The following KIAA1549L variants were observed in gnomAD, a reference collection of about 807,000 sequenced individuals.
KIAA1549L encodes the protein KIAA1549 like.
A neutral mutation model predicts 160.7 loss-of-function variants in KIAA1549L; 88 were observed. The ratio of observed to expected loss-of-function variants is 0.55; its 90% CI spans 0.46 to 0.65. KIAA1549L has a LOEUF of 0.65. Ranked by LOEUF, KIAA1549L falls within the 30% of genes least tolerant of loss-of-function variation. The probability of loss-of-function intolerance (pLI) is 0.00; values close to 1 mark genes in which losing one functional copy is unlikely to be tolerated. For missense variants in KIAA1549L, 2,258 were observed against 2,437.5 expected (o/e 0.93, Z 1.55); for synonymous variants, 950 against 976.7 (o/e 0.97, Z 0.51).
At chr11:33,475,341 C>T (rs987888168) in intron 1 of KIAA1549L, among the ~76,000 whole-genome samples, 3 of 152,096 alleles carry the variant, frequency 2.0e-5, no homozygotes, top group South Asian at 2.1e-4. Flanking sequence ...GTTTCTTCTC[C>T]GTTTAATGGC....
intron 1 of KIAA1549L, among the ~76,000 whole-genome samples, chr11:33,468,434 G>A (rs140516376): frequency 1.3e-5 from 2 of 152,348 alleles, no homozygotes; most frequent in Admixed American, 6.5e-5. Flanking sequence ...AGCAAGGAGT[G>A]TTACAGAGTC....
intron 17 of KIAA1549L, among the ~76,000 whole-genome samples, chr11:33,647,979 A>G (rs1851772398): frequency 6.6e-6 from 1 of 150,644 alleles, no homozygotes; most frequent in Non-Finnish European, 1.5e-5. Flanking sequence ...TCAAACCAGA[A>G]CTAACCTTTT....
chr11:33,495,501 C>T, intron 1 of KIAA1549L, among the ~76,000 whole-genome samples: 1 of 151,998 alleles, frequency 6.6e-6, no homozygotes, highest in Non-Finnish European at 1.5e-5. Context: ...GTATATGTGC[C>T]ACATTTTCTT....
intron 19 of KIAA1549L, among the ~76,000 whole-genome samples, chr11:33,660,034 G>C (rs1254890959): frequency 6.6e-6 from 1 of 152,230 alleles, no homozygotes; most frequent in Non-Finnish European, 1.5e-5. Context: ...AGTGGGCGGG[G>C]TGCTGGCTGG....
In KIAA1549L at chr11:33,559,795, T is replaced by C. The variant is rs1854779332; in HGVS notation, c.3902T>C (p.Val1301Ala). The C allele has an allele frequency of 1.2e-6, 2 of 1,613,894 alleles. No homozygotes were observed. Among genetic ancestry groups the C allele is most frequent in the Admixed American group, 3.3e-5 (2 of 60,004 alleles). Residue 1301 changes from valine (V) to alanine (A), a missense_variant, in exon 7 of 21, where the codon GTC (valine) becomes GCC (alanine). By Grantham distance (64) the Val-to-Ala change is moderately conservative (BLOSUM62 0). Coordinates refer to ENST00000658780, the MANE Select transcript of KIAA1549L (RefSeq NM_012194.3). ...TCCCAGGCAGTCACCTTGGTGTACGTCGTGGGCAATCAGAGCACATTCCTC... is the reference window on the plus strand; with the variant it reads ...TCCCAGGCAGTCACCTTGGTGTACGCCGTGGGCAATCAGAGCACATTCCTC... ...NASQAVTLVY[V>A]VGNQSTFLNG...
At chr11:33,608,948 G>A (rs1015686637) in intron 14 of KIAA1549L, among the ~76,000 whole-genome samples, 42 of 152,192 alleles carry the variant, frequency 2.8e-4, no homozygotes, top group African/African-American at 9.2e-4. Context: ...TAAATTACAC[G>A]ACATTCTTTT....
At chr11:33,474,426 G>C (rs1282391659) in intron 1 of KIAA1549L, among the ~76,000 whole-genome samples, 1 of 152,214 alleles carries the variant, frequency 6.6e-6, no homozygotes, top group Non-Finnish European at 1.5e-5. Context: ...TGAGCAACTT[G>C]AGGGCAGGGA....
At chr11:33,598,184 GAA>G (rs1850254210) in intron 12 of KIAA1549L, among the ~76,000 whole-genome samples, 1 of 138,226 alleles carries the variant, frequency 7.2e-6, no homozygotes, top group African/African-American at 2.9e-5. Flanking sequence ...GTTAGAGAGA[GAA>G]TGTTTGTGTG....
At chr11:33,466,380 C>T (rs1206746690) in intron 1 of KIAA1549L, among the ~76,000 whole-genome samples, 1 of 152,214 alleles carries the variant, frequency 6.6e-6, no homozygotes, top group Non-Finnish European at 1.5e-5. Flanking sequence ...CTCATCATTA[C>T]TGGTCATCAG....
intron 9 of KIAA1549L, among the ~76,000 whole-genome samples, chr11:33,569,865 T>A (rs1342295950): frequency 6.6e-6 from 1 of 152,202 alleles, no homozygotes; most frequent in Non-Finnish European, 1.5e-5. Flanking sequence ...GGTGCTCAGA[T>A]AATGGAACTG....
intron 20 of KIAA1549L, among the ~76,000 whole-genome samples, chr11:33,664,324 C>T (rs369597602): frequency 1.5e-5 from 2 of 136,596 alleles, no homozygotes; most frequent in East Asian, 2.2e-4. Context: ...TAGACTCCCC[C>T]TCTGCCTGAC....
chr11:33,444,727 C>T (rs1297001908), intron 1 of KIAA1549L, among the ~76,000 whole-genome samples: 2 of 152,160 alleles, frequency 1.3e-5, no homozygotes, highest in Non-Finnish European at 1.5e-5. Context: ...AACGAATACA[C>T]TACTCTGCAA....
At chr11:33,512,727 C>T (rs990846988) in intron 1 of KIAA1549L, among the ~76,000 whole-genome samples, 2 of 152,146 alleles carry the variant, frequency 1.3e-5, no homozygotes, top group Non-Finnish European at 2.9e-5. Context: ...GGCCCCTGCT[C>T]TAGGTAATAT....
intron 1 of KIAA1549L, among the ~76,000 whole-genome samples, chr11:33,433,660 T>C (rs1246259995): frequency 6.6e-6 from 1 of 152,130 alleles, no homozygotes; most frequent in African/African-American, 2.4e-5. Flanking sequence ...TGCAGCACTA[T>C]TTACAATAGC....
chr11:33,654,906 A>T (rs1852012182), intron 17 of KIAA1549L, among the ~76,000 whole-genome samples: 1 of 152,094 alleles, frequency 6.6e-6, no homozygotes, highest in South Asian at 2.1e-4. Flanking sequence ...CTGGAGGGAG[A>T]AGACTTCATT....
At chr11:33,508,770 C>T (rs1026402232) in intron 1 of KIAA1549L, among the ~76,000 whole-genome samples, 1 of 152,226 alleles carries the variant, frequency 6.6e-6, no homozygotes, top group African/African-American at 2.4e-5. Flanking sequence ...GAGACCCATT[C>T]TCTCAATGAG....
At chr11:33,469,355 A>T (rs1361228634) in intron 1 of KIAA1549L, among the ~76,000 whole-genome samples, 14 of 152,226 alleles carry the variant, frequency 9.2e-5, no homozygotes, top group Admixed American at 9.2e-4. Flanking sequence ...TTTAACAAAT[A>T]TCAGTACTTT....
chr11:33,404,665 C>G (rs544049316), intron 1 of KIAA1549L, among the ~76,000 whole-genome samples: 3 of 152,084 alleles, frequency 2.0e-5, no homozygotes, highest in Admixed American at 2.0e-4. Flanking sequence ...GTAAAACAAA[C>G]AAAAACTATA....
chr11:33,607,012 G>C (rs1188484541), intron 14 of KIAA1549L, among the ~76,000 whole-genome samples, 190 bp downstream of exon 14: 4 of 152,190 alleles, frequency 2.6e-5, no homozygotes, highest in African/African-American at 9.7e-5. Context: ...TTTGTTGGGT[G>C]ATGTTTTCAG....
Sources: gnomAD v4.1 joint callset for allele counts (sites outside exome capture counted in the v4.1 genomes callset) on GRCh38, gnomAD v4.1.1 for gene constraint, MANE v1.5 for transcripts, NCBI Gene and HGNC (gene_info 2026-07-23, HGNC 2026-07-21) for gene names.